Variants in PIK3R1 observed in about 807,000 individuals in gnomAD.
The protein encoded by PIK3R1 is phosphatidylinositol 3-kinase regulatory subunit alpha.
In PIK3R1, 29 loss-of-function variants were observed where a neutral mutation model predicts 98.0. The observed-to-expected ratio is 0.30, with a 90% CI of 0.22 to 0.40. The LOEUF (loss-of-function observed/expected upper bound fraction) is 0.40, where lower values mean the gene tolerates loss of function less well. PIK3R1 is among the 10% of genes least tolerant of loss of function. The pLI is 1.00. For missense variants in PIK3R1, 596 were observed against 872.7 expected (o/e 0.68, Z 3.99); for synonymous variants, 282 against 311.8 (o/e 0.90, Z 1.01).
At chr5:68,232,409 A>G (rs1744512709) in intron 2 of PIK3R1, among the ~76,000 whole-genome samples, 1 of 152,164 alleles carries the variant, frequency 6.6e-6, no homozygotes, top group Non-Finnish European at 1.5e-5. Context: ...TTTTTGCAGG[A>G]GGGTTCTTAC....
intron 1 of PIK3R1, among the ~76,000 whole-genome samples, chr5:68,221,683 C>G (rs918125768): frequency 6.6e-6 from 1 of 152,186 alleles, no homozygotes; most frequent in South Asian, 2.1e-4. Flanking sequence ...TTTTGTTTGG[C>G]TCTTTGCCAA....
At chr5:68,295,625 G>A (rs1346853180) in intron 14 of PIK3R1, 137 bp downstream of exon 14, 1 of 725,596 alleles carries the variant, frequency 1.4e-6, no homozygotes. Context: ...TATAAACTCA[G>A]TGCCATTATC....
rs542485034 is a variant in PIK3R1, at chr5:68,239,851, A to G, written c.334+12842A>G. ...ATTTTTCCTCTCAGGAAACAGACAC[A>G]AGAACAACTGAAAAGAATAAAGCAG... On this transcript the variant is annotated intron_variant, in intron 2 of 15. Coordinates refer to ENST00000521381, the MANE Select transcript of PIK3R1 (RefSeq NM_181523.3). The G allele has an allele frequency of 5.8e-4, 294 of 506,916 alleles. 1 individual carries two copies. The highest frequency in any genetic ancestry group is 4.3e-4 in the Non-Finnish European group (112 of 258,188). The allele number at this position is 506,916 out of a possible 1,614,324, so 31.4% of individuals were successfully genotyped here. A position where few individuals can be genotyped will look rare whatever the true frequency, so the allele number is the denominator to read the frequency against.
intron 4 of PIK3R1, among the ~76,000 whole-genome samples, chr5:68,279,094 C>G (rs925252968): frequency 6.6e-6 from 1 of 152,170 alleles, no homozygotes. Context: ...CTGTGCATCC[C>G]TAGTGTGTCT....
rs1239080411 is a variant in PIK3R1 at position 68,280,595 on chromosome 5, T to A, written c.702T>A (p.His234Gln). 2 of 1,613,494 alleles carry A rather than the reference T, an allele frequency of 1.2e-6. No homozygotes were observed. The highest frequency in any genetic ancestry group is 2.7e-5 in the African/African-American group (2 of 75,004). The stretch of plus-strand genomic sequence containing the variant: ...TTATTAGGTCGCCTAGCATACCTCA[T>A]CAGTATTGGCTTACGCTTCAGTATT... ...KKLIRSPSIP[H>Q]QYWLTLQYLL... Residue 234 changes from histidine (H) to glutamine (Q), a missense_variant, in exon 6 of 16, where the codon CAT (histidine) becomes CAA (glutamine). Transcript: ENST00000521381.
At chr5:68,286,697 G>A (rs546970394) in intron 7 of PIK3R1, among the ~76,000 whole-genome samples, 8 of 152,288 alleles carry the variant, frequency 5.3e-5, no homozygotes, top group South Asian at 2.1e-4. Flanking sequence ...CTTTCTATAC[G>A]TTGAGAGAGT....
chr5:68,287,799 C>G (rs1561293148), intron 7 of PIK3R1, among the ~76,000 whole-genome samples: 3 of 152,108 alleles, frequency 2.0e-5, no homozygotes, highest in Non-Finnish European at 4.4e-5. Flanking sequence ...TAAAAATAGC[C>G]GCAGTGTTGT....
At chr5:68,267,182 C>A (rs1746156775) in intron 2 of PIK3R1, among the ~76,000 whole-genome samples, 1 of 152,140 alleles carries the variant, frequency 6.6e-6, no homozygotes, top group Admixed American at 6.5e-5. Context: ...GAATCAAACT[C>A]CAATTTAGGT....
intron 2 of PIK3R1, among the ~76,000 whole-genome samples, chr5:68,245,543 C>T (rs1056861766): frequency 1.3e-5 from 2 of 152,186 alleles, no homozygotes; most frequent in African/African-American, 2.4e-5. Flanking sequence ...GTCCTAATTG[C>T]TGTGACTAAT....
At chr5:68,236,721 G>A (rs1202212924) in intron 2 of PIK3R1, among the ~76,000 whole-genome samples, 11 of 152,134 alleles carry the variant, frequency 7.2e-5, no homozygotes, top group Admixed American at 7.2e-4. Flanking sequence ...TGAAGTGATC[G>A]GTAACTGAAT....
intron 5 of PIK3R1, 101 bp from the exon 6 acceptor site, chr5:68,280,427 A>G (rs1407925811): frequency 9.9e-6 from 8 of 807,560 alleles, no homozygotes; most frequent in East Asian, 2.4e-5. Flanking sequence ...AATGACTCCT[A>G]TAGCTTGAAG....
At chr5:68,273,305 T>G (rs1580234327) in intron 2 of PIK3R1, 85 bp from the exon 3 acceptor site, 2 of 1,253,366 alleles carry the variant, frequency 1.6e-6, no homozygotes, top group East Asian at 4.6e-5. Flanking sequence ...CTGATGTAAT[T>G]AAATTATTTT....
At chr5:68,255,930 G>A (rs1745498367) in intron 2 of PIK3R1, among the ~76,000 whole-genome samples, 1 of 152,218 alleles carries the variant, frequency 6.6e-6, no homozygotes, top group African/African-American at 2.4e-5. Context: ...TGCAGGCTTG[G>A]TAACTGACTG....
intron 2 of PIK3R1, among the ~76,000 whole-genome samples, chr5:68,237,015 C>T (rs1744692115): frequency 6.6e-6 from 1 of 152,136 alleles, no homozygotes; most frequent in South Asian, 2.1e-4. Context: ...ATAGATTTAC[C>T]TTCGTTTCTG....
chr5:68,297,273 C>T (rs1022612522), intron 15 of PIK3R1, 139 bp from the exon 16 acceptor site: 13 of 640,982 alleles, frequency 2.0e-5, no homozygotes, highest in East Asian at 1.4e-4. Flanking sequence ...CCAAGGCACT[C>T]GGCCAGGTGT....
intron 7 of PIK3R1, among the ~76,000 whole-genome samples, chr5:68,281,942 C>G (rs1331972721): frequency 7.2e-5 from 11 of 152,090 alleles, no homozygotes. Flanking sequence ...ATGGGGCAGC[C>G]TAAGAGAGGC....
At chr5:68,243,539 G>C (rs1412270063) in intron 2 of PIK3R1, among the ~76,000 whole-genome samples, 1 of 152,216 alleles carries the variant, frequency 6.6e-6, no homozygotes, top group African/African-American at 2.4e-5. Context: ...TACCAAATTT[G>C]TGCTAATAGT....
Position 68,245,646 on chromosome 5 carries a change from G to A in PIK3R1, c.334+18637G>A, listed in dbSNP as rs146453082. On this transcript the variant is annotated intron_variant, in intron 2 of 15. Coordinates refer to ENST00000521381, the MANE Select transcript of PIK3R1 (RefSeq NM_181523.3). ...GACCTCTACCAAGCCAAGGATTTCA[G>A]TGAGGCACTCAAAAATAAAAATTAA... Among the ~76,000 whole-genome samples the A allele has an allele frequency of 4.3e-4, 66 of 152,248 alleles. 1 individual carries two copies. In the East Asian group the frequency reaches 0.012, roughly 28 times the overall value.
chr5:68,292,982 ACT>A (rs1747476404), intron 8 of PIK3R1, 117 bp from the exon 9 acceptor site: 1 of 805,620 alleles, frequency 1.2e-6, no homozygotes, highest in Admixed American at 2.4e-5. Flanking sequence ...CACTCACTGT[ACT>A]TTCCACTTGA....
Sources: gnomAD v4.1 joint callset for allele counts (sites outside exome capture counted in the v4.1 genomes callset) on GRCh38, gnomAD v4.1.1 for gene constraint, MANE v1.5 for transcripts, NCBI Gene and HGNC (gene_info 2026-07-23, HGNC 2026-07-21) for gene names.